CFAP97D2: variants seen among roughly 807,000 people sequenced by gnomAD.
CFAP97D2 encodes uncharacterized protein CFAP97D2.
In CFAP97D2 at chr13:114,186,966, G is replaced by A. The variant is rs2080854955; in HGVS notation, c.90+7546G>A. On this transcript the variant is annotated intron_variant, in intron 1 of 4. Transcript: ENST00000646158. The surrounding 1 kb of genome is among the most constrained non-coding windows in gnomAD (Gnocchi z 4.3). ...GCAAAATTCGGCAAAGGTGCCACCA[G>A]CCACAGAGGTTTCCAGCCAGAAAGG... Among the ~76,000 whole-genome samples, 1 of 152,228 alleles carries A rather than the reference G, an allele frequency of 6.6e-6. No individual in the cohort carries two copies. Among genetic ancestry groups the A allele is most frequent in the African/African-American group, 2.4e-5 (1 of 41,458 alleles).
At chr13:114,194,817 C>T (rs1171881396) in intron 1 of CFAP97D2, among the ~76,000 whole-genome samples, 2 of 152,202 alleles carry the variant, frequency 1.3e-5, no homozygotes, top group South Asian at 2.1e-4. Flanking sequence ...AGTTCTGCCA[C>T]CAGGCAAGCT....
In CFAP97D2 at chr13:114,211,232, C is replaced by G. The variant is rs569288141; in HGVS notation, c.291-680C>G. 6.6e-6 allele frequency among the ~76,000 whole-genome samples: 1 copy of G among 152,314 alleles called. No individual in the cohort carries two copies. The highest frequency in any genetic ancestry group is 2.1e-4 in the South Asian group (1 of 4,832). On this transcript the variant is annotated intron_variant, in intron 3 of 4. Coordinates refer to ENST00000646158, the Ensembl canonical transcript of CFAP97D2. The surrounding 1 kb of genome is among the most constrained non-coding windows in gnomAD (Gnocchi z 4.2). The stretch of plus-strand genomic sequence containing the variant: ...AGCCCCCCATGGCTCCCTCTCCATC[C>G]AATGCAGCCTCCTGAACAGGTTTCA...
intron 2 of CFAP97D2, among the ~76,000 whole-genome samples, chr13:114,197,079 C>T (rs2080891641): frequency 6.6e-6 from 1 of 152,092 alleles, no homozygotes; most frequent in Non-Finnish European, 1.5e-5. Flanking sequence ...AGGTAGCAGG[C>T]TTCAGGGGAA....
chr13:114,180,932 A>G (rs114423812), intron 1 of CFAP97D2, among the ~76,000 whole-genome samples: 11 of 152,320 alleles, frequency 7.2e-5, no homozygotes, highest in African/African-American at 2.6e-4. Context: ...AGGTGCAGAG[A>G]TGATTGAATA....
chr13:114,179,737 C>T lies in CFAP97D2; in HGVS notation c.90+317C>T, dbSNP rs1261453027. The stretch of plus-strand genomic sequence containing the variant: ...TAATTTTTCCTAAGTGACTTGAAAG[C>T]ATCTTAAGACAAAAACACCAGAAGC... On this transcript the variant is annotated intron_variant, in intron 1 of 4. Transcript: ENST00000646158. This position sits in a 1 kb window ranked among gnomAD's most constrained non-coding sequence, Gnocchi z 4.8. Among the ~76,000 whole-genome samples the T allele has an allele frequency of 2.0e-5, 3 of 152,068 alleles. No individual in the cohort carries two copies. Among genetic ancestry groups the T allele is most frequent in the African/African-American group, 7.2e-5 (3 of 41,402 alleles).
Position 114,211,188 on chromosome 13 carries a change from C to T in CFAP97D2, c.291-724C>T, listed in dbSNP as rs2138782159. 6.6e-6 allele frequency among the ~76,000 whole-genome samples: 1 copy of T among 152,306 alleles called. No homozygotes were observed. Among genetic ancestry groups the T allele is most frequent in the East Asian group, 1.9e-4 (1 of 5,164 alleles). ...GTGCTCCACAGCCAGGGTCAAACCC[C>T]TACTCTAGGCGCTTCCGCAGCCCCC... is the stretch of plus-strand genomic sequence containing the variant. On this transcript the variant is annotated intron_variant, in intron 3 of 4. Transcript: ENST00000646158. This position sits in a 1 kb window ranked among gnomAD's most constrained non-coding sequence, Gnocchi z 4.2.
chr13:114,222,726 C>G (rs895671932), downstream of CFAP97D2: 3 of 390,576 alleles, frequency 7.7e-6, no homozygotes, highest in African/African-American at 2.1e-5. The surrounding 1 kb of genome is among the most constrained non-coding windows in gnomAD (Gnocchi z 4.4). Context: ...AGGGCAGCCC[C>G]GCTGTCTTCC....
At position 114,199,317 on chromosome 13, in the gene CFAP97D2, G is replaced by T. The variant is rs75442545; in HGVS notation, c.172-1008G>T. Among the ~76,000 whole-genome samples, 75 of 30,442 alleles carry T rather than the reference G, an allele frequency of 2.5e-3. No homozygotes were observed. In the East Asian group the frequency reaches 0.025, roughly 10 times the overall value. 20.0% of individuals were successfully genotyped at this position (30,442 alleles called of 152,430 possible). A position where few individuals can be genotyped will look rare whatever the true frequency, so the allele number is the denominator to read the frequency against. On this transcript the variant is annotated intron_variant, in intron 2 of 4. Coordinates refer to ENST00000646158, the Ensembl canonical transcript of CFAP97D2. ...CGAGGCGTGACGGCGCGTCCCCGTGGGTACGGTCCCCACTGAGGCGTGACG... is the reference window on the plus strand; with the variant it reads ...CGAGGCGTGACGGCGCGTCCCCGTGTGTACGGTCCCCACTGAGGCGTGACG...
chr13:114,219,822 C>A (rs919443201), intron 4 of CFAP97D2, among the ~76,000 whole-genome samples: 3 of 152,202 alleles, frequency 2.0e-5, no homozygotes, highest in African/African-American at 7.2e-5. Flanking sequence ...GCTTTCTCAG[C>A]AGCATCTTTA....
Position 114,211,616 on chromosome 13 carries a change from G to A in CFAP97D2, c.291-296G>A, listed in dbSNP as rs1397767232. ...GTCCAGCATCTGCTCTGCTGACCACGCTCAGGAAGCACCGGGAGACTTCCC... is the reference window on the plus strand; with the variant it reads ...GTCCAGCATCTGCTCTGCTGACCACACTCAGGAAGCACCGGGAGACTTCCC... On this transcript the variant is annotated intron_variant, in intron 3 of 4. Coordinates refer to ENST00000646158, the Ensembl canonical transcript of CFAP97D2. The surrounding 1 kb of genome is among the most constrained non-coding windows in gnomAD (Gnocchi z 4.2). Among the ~76,000 whole-genome samples the A allele has an allele frequency of 3.3e-5, 5 of 152,104 alleles. No homozygotes were observed. Among genetic ancestry groups the A allele is most frequent in the Non-Finnish European group, 5.9e-5 (4 of 68,030 alleles).
intron 1 of CFAP97D2, among the ~76,000 whole-genome samples, chr13:114,181,604 T>C (rs2080832783): frequency 6.6e-6 from 1 of 152,178 alleles, no homozygotes; most frequent in Non-Finnish European, 1.5e-5. Context: ...CAACTGGCAC[T>C]AAAACTTGAA....
At position 114,210,982 on chromosome 13, in the gene CFAP97D2, G is replaced by A. The variant is rs540818343; in HGVS notation, c.291-930G>A. The stretch of plus-strand genomic sequence containing the variant: ...AGATGCAATCTGTCACCAATGAAAT[G>A]AAATATGCACAGGACAGTGCCTGGC... On this transcript the variant is annotated intron_variant, in intron 3 of 4. Coordinates refer to ENST00000646158, the Ensembl canonical transcript of CFAP97D2. 2.6e-4 allele frequency among the ~76,000 whole-genome samples: 39 copies of A among 152,170 alleles called. 1 individual carries two copies. Among genetic ancestry groups the A allele is most frequent in the South Asian group, 1.7e-3 (8 of 4,830 alleles).
intron 4 of CFAP97D2, among the ~76,000 whole-genome samples, chr13:114,221,547 A>T (rs2081022188): frequency 6.6e-6 from 1 of 152,228 alleles, no homozygotes; most frequent in South Asian, 2.1e-4. Flanking sequence ...CCACAGTGAG[A>T]TGTCACTTGC....
chr13:114,181,963 C>G (rs142121160), intron 1 of CFAP97D2, among the ~76,000 whole-genome samples: 1 of 151,270 alleles, frequency 6.6e-6, no homozygotes, highest in East Asian at 2.0e-4. Context: ...TCGGGTGGGA[C>G]GAGAGACTGA....
In CFAP97D2 at chr13:114,179,947, G is replaced by A. The variant is rs975881298; in HGVS notation, c.90+527G>A. 6.6e-6 allele frequency among the ~76,000 whole-genome samples: 1 copy of A among 152,162 alleles called. No individual in the cohort carries two copies. The highest frequency in any genetic ancestry group is 6.5e-5 in the Admixed American group (1 of 15,274). On this transcript the variant is annotated intron_variant, in intron 1 of 4. Coordinates refer to ENST00000646158, the Ensembl canonical transcript of CFAP97D2. The surrounding 1 kb of genome is among the most constrained non-coding windows in gnomAD (Gnocchi z 4.8). ...ATTACAGGCATGAGCCACCGTGCCC[G>A]GCCCGGCATCCTTTTCTCTATCAAA...
At chr13:114,206,554 T>C (rs1412756190) in intron 3 of CFAP97D2, among the ~76,000 whole-genome samples, 3 of 152,208 alleles carry the variant, frequency 2.0e-5, no homozygotes, top group African/African-American at 7.2e-5. Context: ...GAAAACATGC[T>C]AAGTGAAAGA....
chr13:114,221,554 T>C (rs2081022201), intron 4 of CFAP97D2, among the ~76,000 whole-genome samples: 1 of 152,216 alleles, frequency 6.6e-6, no homozygotes, highest in Non-Finnish European at 1.5e-5. Context: ...GAGATGTCAC[T>C]TGCAGCCACT....
intron 4 of CFAP97D2, among the ~76,000 whole-genome samples, chr13:114,216,093 C>T (rs931874271): frequency 3.3e-5 from 5 of 152,272 alleles, no homozygotes; most frequent in East Asian, 1.9e-4. Flanking sequence ...GGACTGAATT[C>T]GTGCATGAGA....
chr13:114,190,896 T>C (rs1323908901), intron 1 of CFAP97D2, among the ~76,000 whole-genome samples: 2 of 152,190 alleles, frequency 1.3e-5, no homozygotes, highest in Non-Finnish European at 2.9e-5. Context: ...GCTATGATCA[T>C]CAACACAGTG....
Sources: allele counts gnomAD v4.1 joint callset (sites outside exome capture counted in the v4.1 genomes callset), GRCh38; gene constraint gnomAD v4.1.1; non-coding constraint Gnocchi (gnomAD v3.1); transcripts MANE v1.5; gene names NCBI Gene and HGNC (gene_info 2026-07-23, HGNC 2026-07-21).